The following CELA1 variants were observed in gnomAD, a reference collection of about 807,000 sequenced individuals.
CELA1 encodes the protein chymotrypsin like elastase 1, also known as chymotrypsin-like elastase family member 1.
In CELA1, 28 loss-of-function variants were observed where a neutral mutation model predicts 34.8. That is an observed-to-expected ratio of 0.80 (90% confidence interval 0.60 to 1.10). The LOEUF is 1.10. CELA1 is among the 50% of genes least tolerant of loss of function. CELA1 has a pLI of 0.00. For missense variants in CELA1, 288 were observed against 327.5 expected, an observed-to-expected ratio of 0.88 and a Z score of 0.93; for synonymous variants, 140 against 129.8, an observed-to-expected ratio of 1.08 and a Z score of -0.53.
rs753836828 is a variant in CELA1, at chr12:51,346,623, CATAA to C, written c.12_15del (p.Tyr5AspfsTer14). ...TTGCGACTGGACCATATCCACTTAC[CATAA>C]AGGACCAGCATGTTGCCGATGGAGT... On this transcript the variant is annotated frameshift_variant and splice_region_variant, in exon 1 of 8. Coordinates refer to ENST00000293636, the MANE Select transcript of CELA1 (RefSeq NM_001971.6). LOFTEE classifies it high-confidence loss of function. The C allele has an allele frequency of 0.39, 588,759 of 1,497,342 alleles. 133,608 individuals are homozygous for C. The highest frequency in any genetic ancestry group is 0.55 in the East Asian group (24,004 of 43,284). 92.8% of individuals were successfully genotyped at this position (1,497,342 alleles called of 1,614,324 possible).
At chr12:51,345,493 G>T (rs1230649139) in intron 2 of CELA1, among the ~76,000 whole-genome samples, 1 of 152,226 alleles carries the variant, frequency 6.6e-6, no homozygotes, top group Non-Finnish European at 1.5e-5. Context: ...GGAGTCCAAG[G>T]TGACTGTCTG....
intron 6 of CELA1, among the ~76,000 whole-genome samples, chr12:51,332,993 C>T (rs937854253): frequency 9.2e-5 from 14 of 151,754 alleles, no homozygotes; most frequent in Non-Finnish European, 1.2e-4. Flanking sequence ...GCAGTAGTGC[C>T]ATTTCGGCTC....
At chr12:51,332,187 T>TAAAAAAAAAAAAAAAA (rs35398341) in intron 6 of CELA1, among the ~76,000 whole-genome samples, 1 of 140,172 alleles carries the variant, frequency 7.1e-6, no homozygotes. Context: ...CCTGTCTCTT[T>TAAAAAAAAAAAAAAAA]AAAAAAAAAA....
At chr12:51,334,527 C>G (rs997321451) in intron 6 of CELA1, among the ~76,000 whole-genome samples, 1 of 152,210 alleles carries the variant, frequency 6.6e-6, no homozygotes, top group East Asian at 1.9e-4. Context: ...TCCACCTCCC[C>G]GGTTCACACC....
chr12:51,343,571 G>A (rs1487083776), intron 3 of CELA1, among the ~76,000 whole-genome samples, 182 bp downstream of exon 3: 1 of 152,188 alleles, frequency 6.6e-6, no homozygotes, highest in Non-Finnish European at 1.5e-5. Context: ...TTGAATTTGA[G>A]TCTCCCTGAC....
chr12:51,344,544 A>C (rs990056752), intron 2 of CELA1, among the ~76,000 whole-genome samples: 8 of 151,892 alleles, frequency 5.3e-5, no homozygotes, highest in Non-Finnish European at 2.9e-5. Context: ...TGCAAAAATT[A>C]GTCGGGCGTG....
At chr12:51,330,670 A>T (rs1020753403) in intron 6 of CELA1, among the ~76,000 whole-genome samples, 5 of 152,204 alleles carry the variant, frequency 3.3e-5, no homozygotes, top group African/African-American at 1.2e-4. Flanking sequence ...GGATCACTAA[A>T]CATCTAAAGA....
At chr12:51,344,938 A>G (rs1192080563) in intron 2 of CELA1, among the ~76,000 whole-genome samples, 1 of 151,936 alleles carries the variant, frequency 6.6e-6, no homozygotes, top group Admixed American at 6.6e-5. Flanking sequence ...CAGCCTGGCC[A>G]ACATGGTGAA....
At chr12:51,340,471 C>T (rs1448799731) in intron 5 of CELA1, among the ~76,000 whole-genome samples, 3 of 149,492 alleles carry the variant, frequency 2.0e-5, no homozygotes, top group Admixed American at 6.8e-5. Context: ...CTCACCACAA[C>T]CTCCGCCTCC....
chr12:51,339,128 G>T (rs1378825069), intron 6 of CELA1, among the ~76,000 whole-genome samples: 1 of 152,156 alleles, frequency 6.6e-6, no homozygotes, highest in South Asian at 2.1e-4. Context: ...TATCACTGGG[G>T]TAAAGGGATG....
chr12:51,332,657 G>A (rs1946476880), intron 6 of CELA1, among the ~76,000 whole-genome samples: 1 of 151,988 alleles, frequency 6.6e-6, no homozygotes, highest in Admixed American at 6.6e-5. Context: ...GTGACGCCAG[G>A]AGTTTGAGAC....
At chr12:51,328,775 A>G (rs1167831749) in intron 7 of CELA1, among the ~76,000 whole-genome samples, 181 bp from the exon 8 acceptor site, 15 of 152,200 alleles carry the variant, frequency 9.9e-5, no homozygotes, top group Non-Finnish European at 1.6e-4. Context: ...TTATAGGTAC[A>G]TACCCAGAAT....
chr12:51,342,617 A>G lies in CELA1; in HGVS notation c.284T>C (p.Ile95Thr). The change falls in exon 4 of 8, where the codon ATC becomes ACC. Residue 95 changes from isoleucine (I) to threonine (T), a missense_variant. Ile to Thr is a moderately conservative substitution (Grantham distance 89). Transcript: ENST00000293636. ...GCTGTTCCAGTATGGATGCACCACG[A>G]TCTTCTGCACACTCACGTACTGCTC... ...GTEQYVSVQK[I>T]VVHPYWNSDN... 1 of 1,614,034 alleles carries G rather than the reference A, an allele frequency of 6.2e-7. No individual in the cohort carries two copies. Among genetic ancestry groups the G allele is most frequent in the South Asian group, 1.1e-5 (1 of 91,074 alleles).
intron 6 of CELA1, among the ~76,000 whole-genome samples, chr12:51,338,670 C>T (rs1226477727): frequency 6.6e-6 from 1 of 152,192 alleles, no homozygotes; most frequent in African/African-American, 2.4e-5. Flanking sequence ...ATTATTAACA[C>T]TTAACCACAT....
At chr12:51,337,539 C>CAAAAAAA (rs33950532) in intron 6 of CELA1, among the ~76,000 whole-genome samples, 6 of 69,340 alleles carry the variant, frequency 8.7e-5, no homozygotes, top group East Asian at 8.6e-4. Context: ...CTTATCTCTT[C>CAAAAAAA]AAAAAAAAAA....
At chr12:51,331,601 T>G (rs995325609) in intron 6 of CELA1, among the ~76,000 whole-genome samples, 1 of 152,122 alleles carries the variant, frequency 6.6e-6, no homozygotes, top group African/African-American at 2.4e-5. Flanking sequence ...AACATGTGAA[T>G]AACAGAAATT....
At chr12:51,331,123 TC>T (rs35524180) in intron 6 of CELA1, among the ~76,000 whole-genome samples, 65,993 of 150,520 alleles carry the variant, frequency 0.44, 14,650 homozygotes, top group East Asian at 0.59. Context: ...GCATGGTGGC[TC>T]CACACCTGTA....
chr12:51,342,757 C>T, intron 3 of CELA1, 57 bp from the exon 4 acceptor site: 2 of 1,550,394 alleles, frequency 1.3e-6, no homozygotes, highest in South Asian at 1.2e-5. Flanking sequence ...TTCTCTACCC[C>T]ACTTAGAGAA....
At chr12:51,334,875 A>G (rs575762726) in intron 6 of CELA1, among the ~76,000 whole-genome samples, 2 of 152,164 alleles carry the variant, frequency 1.3e-5, no homozygotes, top group Non-Finnish European at 2.9e-5. Flanking sequence ...AACAGAGTGA[A>G]TCATATATCC....
Sources: allele counts gnomAD v4.1 joint callset (sites outside exome capture counted in the v4.1 genomes callset), GRCh38; gene constraint gnomAD v4.1.1; transcripts MANE v1.5; gene names NCBI Gene and HGNC (gene_info 2026-07-23, HGNC 2026-07-21).